CTNNA3: variants seen among roughly 807,000 people sequenced by gnomAD.
The protein encoded by CTNNA3 is catenin alpha 3, also known as catenin alpha-3.
A neutral mutation model predicts 95.7 loss-of-function variants in CTNNA3; 76 were observed. That is an observed-to-expected ratio of 0.79 (90% confidence interval 0.66 to 0.96). The LOEUF is 0.96. Ranked by LOEUF, CTNNA3 falls within the 40% of genes least tolerant of loss-of-function variation. The pLI is 0.00. For missense variants in CTNNA3, 1,191 were observed against 1,089.8 expected, an observed-to-expected ratio of 1.09 and a Z score of -1.31; for synonymous variants, 431 against 374.4, an observed-to-expected ratio of 1.15 and a Z score of -1.74.
intron 5 of CTNNA3, among the ~76,000 whole-genome samples, chr10:67,372,775 C>T (rs934496552): frequency 7.2e-5 from 11 of 152,204 alleles, no homozygotes; most frequent in Non-Finnish European, 1.3e-4. Context: ...AACAGCAGAT[C>T]TCTCGGCAGA....
chr10:67,053,388 G>T (rs977733719), intron 7 of CTNNA3, among the ~76,000 whole-genome samples: 1 of 152,106 alleles, frequency 6.6e-6, no homozygotes, highest in Non-Finnish European at 1.5e-5. Flanking sequence ...AGTATCTCTA[G>T]TAATTCTTAT....
chr10:66,159,626 G>GTTTTTTTTTTTTTT (rs34684370), intron 13 of CTNNA3, among the ~76,000 whole-genome samples: 1 of 114,934 alleles, frequency 8.7e-6, no homozygotes, highest in Non-Finnish European at 1.8e-5. Context: ...TTTGTTTTCT[G>GTTTTTTTTTTTTTT]TTTTTTTTTT....
intron 9 of CTNNA3, among the ~76,000 whole-genome samples, chr10:66,708,316 G>C (rs938210043): frequency 6.6e-6 from 1 of 151,900 alleles, no homozygotes; most frequent in Non-Finnish European, 1.5e-5. Flanking sequence ...CAAAATCAAG[G>C]TGTTGGCAGG....
chr10:67,370,117 A>G (rs923792601), intron 5 of CTNNA3, among the ~76,000 whole-genome samples: 1 of 152,190 alleles, frequency 6.6e-6, no homozygotes, highest in Non-Finnish European at 1.5e-5. Context: ...GAAAATCATT[A>G]AAATGTCCAT....
In CTNNA3 at chr10:67,431,312, G is replaced by T. The variant is rs141625468; in HGVS notation, c.579+90530C>A. Among the ~76,000 whole-genome samples, 992 of 151,896 alleles carry T rather than the reference G, an allele frequency of 6.5e-3. 13 individuals carry two copies. The highest frequency in any genetic ancestry group is 0.022 in the African/African-American group (923 of 41,448). On this transcript the variant is annotated intron_variant, in intron 5 of 17. Coordinates refer to ENST00000433211, the MANE Select transcript of CTNNA3 (RefSeq NM_013266.4). The stretch of plus-strand genomic sequence containing the variant: ...AAACAATTCCCTTTGCAGTTTTCAG[G>T]GTCTTTGACCGCAGACTTAACATAT...
chr10:67,086,807 T>C (rs188639212), intron 7 of CTNNA3, among the ~76,000 whole-genome samples: 49 of 152,168 alleles, frequency 3.2e-4, no homozygotes, highest in Admixed American at 1.8e-3. Flanking sequence ...CTAGTATCTG[T>C]TATGTTTGTT....
chr10:66,687,282 A>C (rs145817724), intron 9 of CTNNA3, among the ~76,000 whole-genome samples: 1 of 152,224 alleles, frequency 6.6e-6, no homozygotes, highest in East Asian at 1.9e-4. Context: ...CTCAAGATAT[A>C]TATGTTGTCC....
intron 17 of CTNNA3, among the ~76,000 whole-genome samples, chr10:65,931,159 C>T (rs2077246896): frequency 6.6e-6 from 1 of 152,102 alleles, no homozygotes; most frequent in Admixed American, 6.6e-5. Context: ...AGCTGACTTT[C>T]ACAATTATCT....
At chr10:65,922,784 A>G (rs1221857433) in intron 17 of CTNNA3, among the ~76,000 whole-genome samples, 2 of 152,150 alleles carry the variant, frequency 1.3e-5, no homozygotes, top group African/African-American at 4.8e-5. Flanking sequence ...TTTACACACT[A>G]CTACAAAGAT....
intron 12 of CTNNA3, among the ~76,000 whole-genome samples, chr10:66,348,631 A>C (rs1254446558): frequency 3.3e-5 from 5 of 152,156 alleles, no homozygotes; most frequent in African/African-American, 9.6e-5. Context: ...TTTACTTTTA[A>C]ATTCATATAC....
intron 16 of CTNNA3, among the ~76,000 whole-genome samples, chr10:65,976,426 C>T (rs72791412): frequency 0.017 from 2,526 of 152,100 alleles, 23 homozygotes; most frequent in Non-Finnish European, 0.026. Flanking sequence ...TCTTCCAAGG[C>T]CACAGTAGAA....
At position 67,713,907 on chromosome 10, in the gene CTNNA3, C is replaced by G. The variant is rs12569931; in HGVS notation, c.-2+49527G>C. Among the ~76,000 whole-genome samples the G allele has an allele frequency of 0.033, 5,030 of 151,562 alleles. 600 individuals are homozygous for G. The East Asian group carries it at 0.44, about 13-fold the overall frequency. On this transcript the variant is annotated intron_variant, in intron 1 of 17. Coordinates refer to the CTNNA3 transcript ENST00000684154. ...CCATGGCACATGTATACCTATGTAA[C>G]AAACCCTCATGTTCTGCACATGTAT...
At chr10:66,072,855 T>C (rs909911335) in intron 14 of CTNNA3, among the ~76,000 whole-genome samples, 5 of 152,150 alleles carry the variant, frequency 3.3e-5, no homozygotes, top group Admixed American at 6.6e-5. Flanking sequence ...CTTTTTTACA[T>C]TGGGAAATAA....
chr10:66,005,573 T>TACCTGGGA (rs2078862078), intron 15 of CTNNA3, among the ~76,000 whole-genome samples: 2 of 152,136 alleles, frequency 1.3e-5, no homozygotes, highest in South Asian at 4.1e-4. Flanking sequence ...GAACCAGAAT[T>TACCTGGGA]ACCTGGGAAG....
At chr10:67,521,995 A>G (rs779541995) in intron 4 of CTNNA3, 34 bp from the exon 5 acceptor site, 15 of 1,587,118 alleles carry the variant, frequency 9.5e-6, no homozygotes, top group African/African-American at 1.4e-5. Flanking sequence ...TCATTAGGAT[A>G]GCAGCAGATT....
intron 9 of CTNNA3, among the ~76,000 whole-genome samples, chr10:66,693,007 C>T (rs1847612155): frequency 6.6e-6 from 1 of 152,136 alleles, no homozygotes; most frequent in African/African-American, 2.4e-5. Context: ...ACTGCAAAAG[C>T]ATGCCAAATT....
intron 3 of CTNNA3, among the ~76,000 whole-genome samples, chr10:67,554,105 C>A (rs2133235936): frequency 6.6e-6 from 1 of 152,306 alleles, no homozygotes; most frequent in East Asian, 1.9e-4. Flanking sequence ...TTTTTTATGG[C>A]TGCATAGTAT....
chr10:67,557,664 A>G (rs1009598706), intron 3 of CTNNA3, among the ~76,000 whole-genome samples: 6 of 152,196 alleles, frequency 3.9e-5, no homozygotes, highest in Non-Finnish European at 8.8e-5. Flanking sequence ...AAATAACAGA[A>G]TCTATTCTAA....
intron 1 of CTNNA3, among the ~76,000 whole-genome samples, chr10:67,751,658 CA>C (rs1049639293): frequency 6.6e-6 from 1 of 151,984 alleles, no homozygotes; most frequent in African/African-American, 2.4e-5. Flanking sequence ...CACAGAAATA[CA>C]ACCAACCATC....
Sources: allele counts gnomAD v4.1 joint callset (sites outside exome capture counted in the v4.1 genomes callset), GRCh38; gene constraint gnomAD v4.1.1; transcripts MANE v1.5; gene names NCBI Gene and HGNC (gene_info 2026-07-23, HGNC 2026-07-21).